ADGRL3: variants seen among roughly 807,000 people sequenced by gnomAD.
ADGRL3 encodes calcium-independent alpha-latrotoxin receptor 3.
Under a neutral mutation model 153.5 loss-of-function variants are expected in ADGRL3, and 62 were observed. The ratio of observed to expected loss-of-function variants is 0.40; its 90% CI spans 0.33 to 0.50. The LOEUF (loss-of-function observed/expected upper bound fraction) is 0.50. ADGRL3 is among the 20% of genes least tolerant of loss of function. ADGRL3 has a pLI of 0.47. For missense variants in ADGRL3, 1,641 were observed against 1,859.4 expected, an observed-to-expected ratio of 0.88 and a Z score of 2.16; for synonymous variants, 710 against 672.5, an observed-to-expected ratio of 1.06 and a Z score of -0.86.
intron 8 of ADGRL3, among the ~76,000 whole-genome samples, chr4:61,785,465 A>G (rs1232168809): frequency 2.0e-5 from 3 of 152,120 alleles, no homozygotes; most frequent in African/African-American, 7.2e-5. Flanking sequence ...ATTGTTACCT[A>G]CCTTCTAACA....
intron 4 of ADGRL3, among the ~76,000 whole-genome samples, chr4:61,536,249 T>G (rs966776987): frequency 1.3e-4 from 20 of 152,108 alleles, no homozygotes; most frequent in Non-Finnish European, 2.9e-4. Flanking sequence ...AAGATGATAC[T>G]TGATATTATT....
chr4:61,629,701 TGCAAGACTCCGTCTCGGG>T (rs1560961933), intron 5 of ADGRL3, among the ~76,000 whole-genome samples: 2 of 106,434 alleles, frequency 1.9e-5, no homozygotes, highest in African/African-American at 7.6e-5. Flanking sequence ...TAGGCGACAA[TGCAAGACTCCGTCTCGGG>T]GCAAAAAAAA....
At chr4:61,434,685 G>T (rs1274383973) in intron 2 of ADGRL3, among the ~76,000 whole-genome samples, 1 of 151,852 alleles carries the variant, frequency 6.6e-6, no homozygotes, top group Admixed American at 6.6e-5. Flanking sequence ...ACAGTTCTTT[G>T]TACTACTGTA....
chr4:62,036,741 A>C (rs569332071), intron 23 of ADGRL3, among the ~76,000 whole-genome samples: 1 of 152,220 alleles, frequency 6.6e-6, no homozygotes, highest in African/African-American at 2.4e-5. Context: ...TCAAATACAT[A>C]AAGGCTTAAG....
intron 17 of ADGRL3, among the ~76,000 whole-genome samples, chr4:61,975,008 C>T (rs1399932904): frequency 6.6e-6 from 1 of 152,116 alleles, no homozygotes; most frequent in Non-Finnish European, 1.5e-5. Context: ...TCAATCAGTG[C>T]ATTAATTGTG....
At chr4:61,599,148 CCATGT>C (rs2099000889) in intron 5 of ADGRL3, among the ~76,000 whole-genome samples, 1 of 152,126 alleles carries the variant, frequency 6.6e-6, no homozygotes, top group Non-Finnish European at 1.5e-5. Flanking sequence ...GTATGGACAG[CCATGT>C]AGAAATATGA....
intron 8 of ADGRL3, among the ~76,000 whole-genome samples, chr4:61,749,355 A>C (rs2096720003): frequency 6.6e-6 from 1 of 152,172 alleles, no homozygotes; most frequent in Non-Finnish European, 1.5e-5. Flanking sequence ...GCATCCCATT[A>C]CTGGGTATAT....
At chr4:61,964,152 T>C (rs1303357182) in intron 17 of ADGRL3, among the ~76,000 whole-genome samples, 1 of 152,182 alleles carries the variant, frequency 6.6e-6, no homozygotes, top group East Asian at 1.9e-4. Context: ...AGTAATTCCT[T>C]TTTGTTCTTA....
At chr4:61,297,433 A>G (rs1227007384) in intron 1 of ADGRL3, among the ~76,000 whole-genome samples, 1 of 152,154 alleles carries the variant, frequency 6.6e-6, no homozygotes, top group Non-Finnish European at 1.5e-5. Context: ...ACTTTGAGGA[A>G]CTATGGGAAA....
Position 61,674,146 on chromosome 4 carries a change from TTAGATAGATAGATAGATAGA to T in ADGRL3, c.474-2650_474-2631del, listed in dbSNP as rs34037060. Reference sequence around the variant, plus strand: ...AATATGTAAATTTGTCGATGCATTTTTAGATAGATAGATAGATAGATAGATAGATAGATAGATAGATAGAT... The same window carrying T: ...AATATGTAAATTTGTCGATGCATTTTTAGATAGATAGATAGATAGATAGAT... On this transcript the variant is annotated intron_variant, in intron 5 of 26. Transcript: ENST00000683033. Among the ~76,000 whole-genome samples, 27 of 147,442 alleles carry T rather than the reference TTAGATAGATAGATAGATAGA, an allele frequency of 1.8e-4. 1 individual carries two copies. The highest frequency in any genetic ancestry group is 4.1e-4 in the Admixed American group (6 of 14,596).
intron 21 of ADGRL3, among the ~76,000 whole-genome samples, chr4:62,019,753 CA>C: frequency 6.6e-6 from 1 of 152,080 alleles, no homozygotes; most frequent in South Asian, 2.1e-4. Flanking sequence ...AAAATCTTTA[CA>C]AGAAAAATGA....
At chr4:61,738,781 C>T (rs2096549077) in intron 8 of ADGRL3, among the ~76,000 whole-genome samples, 1 of 152,028 alleles carries the variant, frequency 6.6e-6, no homozygotes. Flanking sequence ...AGAAATGGTA[C>T]AATCTGTGAA....
intron 9 of ADGRL3, among the ~76,000 whole-genome samples, chr4:61,843,285 A>G (rs1176560435): frequency 1.3e-5 from 2 of 152,146 alleles, no homozygotes; most frequent in Non-Finnish European, 2.9e-5. Flanking sequence ...AATGTCCACC[A>G]ATATACTTTC....
chr4:61,318,433 T>C (rs1251515017), intron 1 of ADGRL3, among the ~76,000 whole-genome samples: 3 of 152,128 alleles, frequency 2.0e-5, no homozygotes, highest in Non-Finnish European at 2.9e-5. Flanking sequence ...AGGGCTATAA[T>C]ATCTGCCTTG....
intron 2 of ADGRL3, among the ~76,000 whole-genome samples, chr4:61,463,902 T>C (rs1189535919): frequency 6.6e-6 from 1 of 152,116 alleles, no homozygotes. Context: ...TGAAGGTGTG[T>C]TTGTGCATTT....
chr4:61,790,542 G>A (rs1286734569), intron 8 of ADGRL3, among the ~76,000 whole-genome samples: 4 of 152,228 alleles, frequency 2.6e-5, no homozygotes, highest in Middle Eastern at 3.4e-3. Context: ...ACAATATACT[G>A]TAATAAAAGT....
At chr4:61,372,157 T>C (rs2096540327) in intron 1 of ADGRL3, among the ~76,000 whole-genome samples, 2 of 152,104 alleles carry the variant, frequency 1.3e-5, no homozygotes, top group South Asian at 2.1e-4. Flanking sequence ...GTTTTCAACT[T>C]CTTTTCCTTT....
chr4:61,485,624 T>C (rs2098182469), intron 2 of ADGRL3, among the ~76,000 whole-genome samples: 1 of 152,184 alleles, frequency 6.6e-6, no homozygotes, highest in Non-Finnish European at 1.5e-5. Flanking sequence ...GCATTCCTTT[T>C]TGTCTTGGAA....
intron 5 of ADGRL3, among the ~76,000 whole-genome samples, chr4:61,605,847 T>G (rs1440300999): frequency 6.6e-6 from 1 of 152,154 alleles, no homozygotes; most frequent in Non-Finnish European, 1.5e-5. Flanking sequence ...AGACTCAAAA[T>G]GCCCATGAAA....
Sources: gnomAD v4.1 joint callset for allele counts (sites outside exome capture counted in the v4.1 genomes callset) on GRCh38, gnomAD v4.1.1 for gene constraint, MANE v1.5 for transcripts, NCBI Gene and HGNC (gene_info 2026-07-23, HGNC 2026-07-21) for gene names.